PPRC1: variants seen among roughly 807,000 people sequenced by gnomAD.
PPRC1 encodes PPARG related coactivator 1.
In PPRC1, 23 loss-of-function variants were observed where a neutral mutation model predicts 132.5. That is an observed-to-expected ratio of 0.17 (90% confidence interval 0.12 to 0.25). PPRC1 has a LOEUF of 0.25. Ranked by LOEUF, PPRC1 falls within the 10% of genes least tolerant of loss-of-function variation. The pLI, the probability that PPRC1 is intolerant of heterozygous loss-of-function variation, is 1.00. For synonymous variants in PPRC1, 872 were observed against 833.5 expected, an observed-to-expected ratio of 1.05 and a Z score of -0.80; for missense variants, 2,006 against 2,089.1, an observed-to-expected ratio of 0.96 and a Z score of 0.78.
the PPRC1 span, among the ~76,000 whole-genome samples, chr10:102,127,040 T>A: frequency 1.8e-5 from 1 of 54,418 alleles, no homozygotes; most frequent in Non-Finnish European, 5.6e-5. Context: ...TATATATATA[T>A]ATATATATAT....
intron 1 of PPRC1, among the ~76,000 whole-genome samples, chr10:102,136,829 G>C (rs1287910550): frequency 1.3e-5 from 2 of 152,176 alleles, no homozygotes; most frequent in Non-Finnish European, 2.9e-5. Flanking sequence ...TTCCGGCCCT[G>C]CCCACACCCA....
At chr10:102,126,745 C>T in the PPRC1 span, among the ~76,000 whole-genome samples, 1 of 152,006 alleles carries the variant, frequency 6.6e-6, no homozygotes, top group African/African-American at 2.4e-5. Flanking sequence ...AGGTGTAAGA[C>T]ACCACACCCA....
At chr10:102,121,555 C>T in the PPRC1 span, among the ~76,000 whole-genome samples, 1 of 152,174 alleles carries the variant, frequency 6.6e-6, no homozygotes, top group African/African-American at 2.4e-5. Context: ...CATCTCCATC[C>T]CTTCCCAAAA....
Position 102,149,947 on chromosome 10 carries a change from A to G in PPRC1, c.4913A>G (p.Asp1638Gly), listed in dbSNP as rs978343630. 1.2e-6 allele frequency: 2 copies of G among 1,613,060 alleles called. No homozygotes were observed. Among genetic ancestry groups the G allele is most frequent in the Non-Finnish European group, 1.7e-6 (2 of 1,179,084 alleles). Reference protein sequence around the residue: ...SDLDSNREDFDPAPVKSKFDS... With the variant: ...SDLDSNREDFGPAPVKSKFDS... ...ATAGACTCCAACCGGGAAGACTTTG[A>G]CCCAGCACCTGTAAAGAGCAAATTT... Residue 1638 changes from aspartate (D) to glycine (G), a missense_variant, in exon 14 of 14, where the codon GAC (aspartate) becomes GGC (glycine). This residue lies in a region of PPRC1 where 92 missense variants were observed against 171.9 expected (regional missense o/e 0.54). Coordinates refer to ENST00000278070, the MANE Select transcript of PPRC1 (RefSeq NM_015062.5).
rs1402841003 is a variant in PPRC1 at position 102,139,680 on chromosome 10, T to G, written c.1172T>G (p.Met391Arg). The change falls in exon 5 of 14, where the codon ATG becomes AGG. Residue 391 changes from methionine (M) to arginine (R), a missense_variant. Met to Arg is a moderately conservative substitution (Grantham distance 91). Around this residue, in one of 2 missense-constraint regions of PPRC1, gnomAD observed 1,914 missense variants for 1,917.2 expected, o/e 1.00. Coordinates refer to ENST00000278070, the MANE Select transcript of PPRC1 (RefSeq NM_015062.5). Reference protein sequence around the residue: ...LETSSALQLLMPTLESETEAA... With the variant: ...LETSSALQLLRPTLESETEAA... Reference sequence around the variant, plus strand: ...ACTAGTTCTGCCTTGCAGCTGCTTATGCCTACACTGGAGTCAGAGACAGAG... The same window carrying G: ...ACTAGTTCTGCCTTGCAGCTGCTTAGGCCTACACTGGAGTCAGAGACAGAG... The G allele has an allele frequency of 2.5e-6, 4 of 1,614,114 alleles. No individual in the cohort carries two copies.
At position 102,139,547 on chromosome 10, in the gene PPRC1, G is replaced by A. The variant is rs753734181; in HGVS notation, c.1039G>A (p.Glu347Lys). The A allele has an allele frequency of 6.2e-7, 1 of 1,613,950 alleles. No individual in the cohort carries two copies. Among genetic ancestry groups the A allele is most frequent in the Non-Finnish European group, 8.5e-7 (1 of 1,179,936 alleles). ...ACTGCCTGAGGGCTGCGTAGTGCTG[G>A]AGATTGTGGGGCAGGCAGCCACAGC... ...LTLPEGCVVL[E>K]IVGQAATAGD... The change falls in exon 5 of 14, where the codon GAG becomes AAG. Residue 347 changes from glutamate (E) to lysine (K), a missense_variant. Coordinates refer to ENST00000278070, the MANE Select transcript of PPRC1 (RefSeq NM_015062.5).
intron 1 of PPRC1, among the ~76,000 whole-genome samples, chr10:102,137,529 T>C (rs967318555): frequency 6.6e-6 from 1 of 152,166 alleles, no homozygotes; most frequent in African/African-American, 2.4e-5. Flanking sequence ...CAGACTGTTA[T>C]CTTCACTGCT....
At position 102,139,745 on chromosome 10, in the gene PPRC1, G is replaced by A. The variant is rs774907462; in HGVS notation, c.1237G>A (p.Gly413Arg). The A allele has an allele frequency of 1.2e-6, 2 of 1,614,160 alleles. No homozygotes were observed. Among genetic ancestry groups the A allele is most frequent in the South Asian group, 1.1e-5 (1 of 91,084 alleles). The change falls in exon 5 of 14, where the codon GGG becomes AGG. Residue 413 changes from glycine (G) to arginine (R), a missense_variant. Gly to Arg is a moderately radical substitution (Grantham distance 125, BLOSUM62 -2). Transcript: ENST00000278070. The part of the protein sequence containing the change: ...PKVTLCSEKE[G>R]LSLNSEEKLD... Reference sequence around the variant, plus strand: ...GGTAACCCTCTGCTCTGAGAAAGAGGGGTTGTCATTGAACTCAGAGGAGAA... The same window carrying A: ...GGTAACCCTCTGCTCTGAGAAAGAGAGGTTGTCATTGAACTCAGAGGAGAA...
chr10:102,127,791 A>G, the PPRC1 span, among the ~76,000 whole-genome samples: 6 of 151,998 alleles, frequency 3.9e-5, no homozygotes, highest in African/African-American at 1.2e-4. Context: ...AGCTCAGGCA[A>G]TCTGCCCATC....
the PPRC1 span, among the ~76,000 whole-genome samples, chr10:102,123,684 C>G: frequency 6.6e-6 from 1 of 152,056 alleles, no homozygotes; most frequent in East Asian, 1.9e-4. Flanking sequence ...GCACCTGCCA[C>G]CACGCCTGGC....
chr10:102,149,202 T>C lies in PPRC1; in HGVS notation c.4764T>C (p.Tyr1588=), dbSNP rs1267654563. 6.2e-7 allele frequency: 1 copy of C among 1,602,662 alleles called. No individual in the cohort carries two copies. Among genetic ancestry groups the C allele is most frequent in the African/African-American group, 1.3e-5 (1 of 74,430 alleles). The change falls in exon 13 of 14, where the codon TAT becomes TAC. Residue 1588 remains tyrosine (Y), a synonymous_variant. Transcript: ENST00000278070. ...VQGDNYGFVT[Y]RYAEEAFAAI... ...GGGACAACTACGGCTTCGTCACTTA[T>C]CGCTATGCTGAGGAGGCATTTGCAG...
chr10:102,137,905 G>A lies in PPRC1; in HGVS notation c.209G>A (p.Gly70Asp). Residue 70 changes from glycine (G) to aspartate (D), a missense_variant, in exon 2 of 14, where the codon GGC becomes GAC. By Grantham distance (94) the Gly-to-Asp change is moderately conservative (BLOSUM62 -1). Transcript: ENST00000278070. Reference sequence around the variant, plus strand: ...GGCTTTGTCAGTCTCTCTCGGCTGGGCCCATCTCTGAGGGACAAGGACCTG... The same window carrying A: ...GGCTTTGTCAGTCTCTCTCGGCTGGACCCATCTCTGAGGGACAAGGACCTG... ...DSGFVSLSRL[G>D]PSLRDKDLEM... 1 of 1,614,102 alleles carries A rather than the reference G, an allele frequency of 6.2e-7. No homozygotes were observed. The highest frequency in any genetic ancestry group is 8.5e-7 in the Non-Finnish European group (1 of 1,180,008).
Position 102,133,240 on chromosome 10 carries a change from G to T in PPRC1, c.153+19G>T. 7.9e-7 allele frequency: 1 copy of T among 1,273,608 alleles called. No individual in the cohort carries two copies. Among genetic ancestry groups the T allele is most frequent in the East Asian group, 2.9e-5 (1 of 34,040 alleles). 78.9% of individuals were successfully genotyped at this position (1,273,608 alleles called of 1,614,324 possible). ...CGAGCAGGTGAGAGGTTGGCTGGCG[G>T]CCCGCGACAGGCAGCAAAGCGGTGT... On this transcript the variant is annotated intron_variant, in intron 1 of 13. Coordinates refer to ENST00000278070, the MANE Select transcript of PPRC1 (RefSeq NM_015062.5).
the PPRC1 span, among the ~76,000 whole-genome samples, chr10:102,125,068 C>T: frequency 6.6e-6 from 1 of 152,186 alleles, no homozygotes; most frequent in East Asian, 1.9e-4. Context: ...CAGGCCCGTA[C>T]CACACCAAGC....
At chr10:102,120,533 C>G in the PPRC1 span, 1 of 273,048 alleles carries the variant, frequency 3.7e-6, no homozygotes, top group African/African-American at 2.3e-5. Flanking sequence ...GCTAATTGTC[C>G]TGCTAGTGGG....
At chr10:102,133,805 T>C (rs2068616237) in intron 1 of PPRC1, among the ~76,000 whole-genome samples, 1 of 150,630 alleles carries the variant, frequency 6.6e-6, no homozygotes, top group Non-Finnish European at 1.5e-5. Flanking sequence ...GGTCCCGCCA[T>C]CTCCTGCCGG....
At chr10:102,144,367 TC>T in intron 7 of PPRC1, 60 bp downstream of exon 7, 1 of 1,507,540 alleles carries the variant, frequency 6.6e-7, no homozygotes. Context: ...CGGCTGACAC[TC>T]CAGGACTGTC....
Position 102,141,991 on chromosome 10 carries a change from C to A in PPRC1, c.3483C>A (p.Phe1161Leu). The change falls in exon 5 of 14, where the codon TTC becomes TTA. Residue 1161 changes from phenylalanine (F) to leucine (L), a missense_variant. Phe to Leu is a conservative substitution (Grantham distance 22). Around this residue, in one of 2 missense-constraint regions of PPRC1, gnomAD observed 1,914 missense variants for 1,917.2 expected, o/e 1.00. Transcript: ENST00000278070. ...TQGSEDVVQAFISEIGIEASD... is the reference protein window; with the variant it reads ...TQGSEDVVQALISEIGIEASD... ...GTTCTGAAGATGTGGTACAGGCTTT[C>A]ATCAGTGAGATTGGTGAGTGACACA... 6.2e-7 allele frequency: 1 copy of A among 1,608,644 alleles called. No individual in the cohort carries two copies. The highest frequency in any genetic ancestry group is 1.1e-5 in the South Asian group (1 of 90,516).
At chr10:102,131,574 A>G (rs1344338349), upstream of PPRC1, among the ~76,000 whole-genome samples, 1 of 152,250 alleles carries the variant, frequency 6.6e-6, no homozygotes, top group Non-Finnish European at 1.5e-5. Context: ...GAAAGATTGC[A>G]CAAAAGTGCA....
Sources: gnomAD v4.1 joint callset for allele counts (sites outside exome capture counted in the v4.1 genomes callset) on GRCh38, gnomAD v4.1.1 for gene constraint, gnomAD v4.1.1 regional missense constraint, MANE v1.5 for transcripts, NCBI Gene and HGNC (gene_info 2026-07-23, HGNC 2026-07-21) for gene names.